SLC6A4: variants seen among roughly 807,000 people sequenced by gnomAD.
SLC6A4 encodes sodium-dependent serotonin transporter.
A neutral mutation model predicts 73.4 loss-of-function variants in SLC6A4; 22 were observed. The ratio of observed to expected loss-of-function variants is 0.30; its 90% CI spans 0.21 to 0.43. The LOEUF (loss-of-function observed/expected upper bound fraction) is 0.43, where lower values mean the gene tolerates loss of function less well. SLC6A4 is among the 20% of genes least tolerant of loss of function. The pLI is 1.00. For synonymous variants in SLC6A4, 270 were observed against 315.5 expected (o/e 0.86, Z 1.53); for missense variants, 593 against 808.5 (o/e 0.73, Z 3.23).
intron 13 of SLC6A4, chr17:30,206,449 C>T (rs1906201498): frequency 6.6e-6 from 1 of 152,072 alleles, no homozygotes; most frequent in African/African-American, 2.4e-5. Flanking sequence ...CGTGGACAAC[C>T]CTTGGGACTC....
chr17:30,209,569 C>T (rs9895500), intron 11 of SLC6A4, among the ~76,000 whole-genome samples: 5 of 150,384 alleles, frequency 3.3e-5, no homozygotes, highest in East Asian at 3.9e-4. Flanking sequence ...ATTGCTTGAA[C>T]GAGAGGCAGA....
At chr17:30,206,609 C>T (rs1906206234) in intron 13 of SLC6A4, 1 of 152,152 alleles carries the variant, frequency 6.6e-6, no homozygotes, top group African/African-American at 2.4e-5. Context: ...CCATGAAGAG[C>T]ATAGCAGATC....
intron 8 of SLC6A4, among the ~76,000 whole-genome samples, chr17:30,214,587 G>C (rs1906493230): frequency 1.3e-5 from 2 of 150,240 alleles, no homozygotes; most frequent in Admixed American, 1.3e-4. Flanking sequence ...TTAATTGTAT[G>C]TTGCAGCTTT....
At chr17:30,217,512 T>C (rs1469936253) in intron 5 of SLC6A4, among the ~76,000 whole-genome samples, 3 of 152,138 alleles carry the variant, frequency 2.0e-5, no homozygotes, top group African/African-American at 7.2e-5. Flanking sequence ...GGGAAGAGTG[T>C]TCAACCTAAA....
Position 30,210,628 on chromosome 17 carries a change from C to A in SLC6A4, c.1336G>T (p.Val446Leu), listed in dbSNP as rs888825054. The change falls in exon 11 of 15, where the codon GTG (valine) becomes TTG (leucine). Residue 446 changes from valine to leucine, a missense_variant. By Grantham distance (32) the Val-to-Leu change is conservative (BLOSUM62 1). Coordinates refer to ENST00000650711, the MANE Select transcript of SLC6A4 (RefSeq NM_001045.6). Reference protein sequence around the residue: ...LDSTFAGLEGVITAVLDEFPH... With the variant: ...LDSTFAGLEGLITAVLDEFPH... ...AACTCATCCAGCACAGCCGTGATCACCCCCTCCAAGCCTGCAAACTGAGAG... is the reference window on the plus strand; with the variant it reads ...AACTCATCCAGCACAGCCGTGATCAACCCCTCCAAGCCTGCAAACTGAGAG... The A allele has an allele frequency of 6.2e-7, 1 of 1,612,492 alleles. No individual in the cohort carries two copies. The highest frequency in any genetic ancestry group is 1.1e-5 in the South Asian group (1 of 90,896).
intron 8 of SLC6A4, among the ~76,000 whole-genome samples, chr17:30,213,160 G>A (rs1015650971): frequency 3.3e-5 from 5 of 152,220 alleles, no homozygotes; most frequent in Non-Finnish European, 7.3e-5. Context: ...TTTCAAACCA[G>A]CCTTGTTCTG....
At chr17:30,222,695 C>T in intron 2 of SLC6A4, 124 bp downstream of exon 2, 1 of 812,788 alleles carries the variant, frequency 1.2e-6, no homozygotes, top group Non-Finnish European at 1.9e-6. Flanking sequence ...CTTTTAGCCC[C>T]TAGGAAGGTT....
rs1187694378 is a variant in SLC6A4, at chr17:30,218,977, C to G, written c.344-46G>C. On this transcript the variant is annotated intron_variant, in intron 3 of 14. Coordinates refer to ENST00000650711, the MANE Select transcript of SLC6A4 (RefSeq NM_001045.6). The stretch of plus-strand genomic sequence containing the variant: ...TTTCACTCCCTGCCCACGTCTGTCC[C>G]AGGATAGCCCAACCAATCTGTGACT... The G allele has an allele frequency of 1.9e-6, 3 of 1,609,646 alleles. No homozygotes were observed. The Admixed American group carries it at 5.0e-5, about 27-fold the overall frequency.
chr17:30,212,604 G>T, intron 9 of SLC6A4, 136 bp downstream of exon 9: 1 of 971,070 alleles, frequency 1.0e-6, no homozygotes, highest in Non-Finnish European at 1.5e-6. Context: ...GGCTGGTCTT[G>T]AACTCCACCA....
chr17:30,218,786 C>A lies in SLC6A4; in HGVS notation c.478+11G>T, dbSNP rs60956948. 2 of 1,613,796 alleles carry A rather than the reference C, an allele frequency of 1.2e-6. No individual in the cohort carries two copies. The highest frequency in any genetic ancestry group is 2.7e-5 in the African/African-American group (2 of 74,900). On this transcript the variant is annotated intron_variant, in intron 4 of 14. Transcript: ENST00000650711. ...GCTCCACTTACCCACCCCACCGAGC[C>A]CTTCAGTTACCTTTGAAAATCGGGC...
rs753899458 is a variant in SLC6A4 at position 30,218,897 on chromosome 17, A to G, written c.378T>C (p.Ile126=). 6.2e-7 allele frequency: 1 copy of G among 1,613,916 alleles called. No homozygotes were observed. Among genetic ancestry groups the G allele is most frequent in the Admixed American group, 1.7e-5 (1 of 59,990 alleles). The stretch of plus-strand genomic sequence containing the variant: ...TGTAAAAGAGCGGGATTCCCCCAAA[A>G]ATGGCCATGATGGTGTAGGGGAGGA... ...AFLLPYTIMA[I]FGGIPLFYME... Residue 126 remains isoleucine, a synonymous_variant, in exon 4 of 15, where the codon ATT becomes ATC. Coordinates refer to ENST00000650711, the MANE Select transcript of SLC6A4 (RefSeq NM_001045.6).
chr17:30,206,712 CTTTTTT>C (rs1056871791), intron 13 of SLC6A4, among the ~76,000 whole-genome samples: 1 of 80,296 alleles, frequency 1.2e-5, no homozygotes, highest in Non-Finnish European at 2.4e-5. Flanking sequence ...CTTTTCTTTT[CTTTTTT>C]TTTTTTTTTT....
intron 13 of SLC6A4, among the ~76,000 whole-genome samples, 189 bp downstream of exon 13, chr17:30,207,543 A>G (rs571335108): frequency 1.3e-5 from 2 of 152,054 alleles, no homozygotes; most frequent in African/African-American, 4.8e-5. Flanking sequence ...GCCCATCACC[A>G]CACCCGGCTA....
intron 8 of SLC6A4, among the ~76,000 whole-genome samples, chr17:30,214,523 T>C (rs1313382430): frequency 6.6e-6 from 1 of 151,196 alleles, no homozygotes; most frequent in African/African-American, 2.4e-5. Flanking sequence ...ATAATACAAA[T>C]AATCACATTA....
chr17:30,211,264 T>G lies in SLC6A4; in HGVS notation c.1317+48A>C. On this transcript the variant is annotated intron_variant, in intron 10 of 14. Coordinates refer to ENST00000650711, the MANE Select transcript of SLC6A4 (RefSeq NM_001045.6). This position sits in a 1 kb window ranked among gnomAD's most constrained non-coding sequence, Gnocchi z 4.0. ...ATTGAGTCCAGCTGAGTCCTCCTCC[T>G]TTCCTCTTCATCCTCCCACAGCCCA... The G allele has an allele frequency of 3.1e-6, 4 of 1,275,820 alleles. No homozygotes were observed. In the South Asian group the frequency reaches 4.9e-5, roughly 16 times the overall value. The allele number at this position is 1,275,820 out of a possible 1,614,324, so 79.0% of individuals were successfully genotyped here. A position where few individuals can be genotyped will look rare whatever the true frequency, so the allele number is the denominator to read the frequency against.
intron 4 of SLC6A4, 145 bp downstream of exon 4, chr17:30,218,652 A>C (rs1248889908): frequency 2.5e-6 from 2 of 797,500 alleles, no homozygotes; most frequent in Non-Finnish European, 4.1e-6. Context: ...CCACTTACGC[A>C]GTCAAAACCT....
rs56288628 is a variant in SLC6A4 at position 30,217,404 on chromosome 17, C to T, written c.699-100G>A. Reference sequence around the variant, plus strand: ...TGAGGGTGCCCGGGACAAATGGACACGGTGCTGCTAGGACCAAGTGGTCAC... The same window carrying T: ...TGAGGGTGCCCGGGACAAATGGACATGGTGCTGCTAGGACCAAGTGGTCAC... On this transcript the variant is annotated intron_variant, in intron 5 of 14. Coordinates refer to ENST00000650711, the MANE Select transcript of SLC6A4 (RefSeq NM_001045.6). The T allele has an allele frequency of 5.4e-3, 6,581 of 1,226,804 alleles. 253 individuals carry two copies. The African/African-American group carries it at 0.083, about 15-fold the overall frequency. 76.0% of individuals were successfully genotyped at this position (1,226,804 alleles called of 1,614,324 possible).
chr17:30,207,976 C>G, intron 12 of SLC6A4, 144 bp from the exon 13 acceptor site: 2 of 623,126 alleles, frequency 3.2e-6, no homozygotes, highest in South Asian at 4.1e-5. Flanking sequence ...ATTCCTACCC[C>G]GGACACACAG....
At chr17:30,206,653 T>C (rs1277327060) in intron 13 of SLC6A4, among the ~76,000 whole-genome samples, 1 of 152,042 alleles carries the variant, frequency 6.6e-6, no homozygotes, top group Non-Finnish European at 1.5e-5. Context: ...TTTTGTTATG[T>C]GACTTTGGAC....
Sources: gnomAD v4.1 joint callset for allele counts (sites outside exome capture counted in the v4.1 genomes callset) on GRCh38, gnomAD v4.1.1 for gene constraint, Gnocchi (gnomAD v3.1) non-coding constraint, MANE v1.5 for transcripts, NCBI Gene and HGNC (gene_info 2026-07-23, HGNC 2026-07-21) for gene names.